Variants in PGPEP1L observed in about 807,000 individuals in gnomAD.
The protein encoded by PGPEP1L is pyroglutamyl-peptidase 1-like protein.
A neutral mutation model predicts 6.0 loss-of-function variants in PGPEP1L; 7 were observed. That is an observed-to-expected ratio of 1.17 (90% CI 0.66 to 2.19). The LOEUF is 2.19. Ranked by LOEUF, PGPEP1L falls within the 30% of genes most tolerant of loss-of-function variation. The pLI is 0.00. For synonymous variants in PGPEP1L, 103 were observed against 83.9 expected (o/e 1.23, Z -1.24); for missense variants, 209 against 192.5 (o/e 1.09, Z -0.51).
chr15:98,988,611 C>T (rs987143729), intron 2 of PGPEP1L, among the ~76,000 whole-genome samples: 1 of 152,202 alleles, frequency 6.6e-6, no homozygotes, highest in Non-Finnish European at 1.5e-5. Flanking sequence ...AAGAGAGGAG[C>T]GGATCTCCCA....
chr15:99,006,734 T>C (rs1471879529), intron 1 of PGPEP1L, among the ~76,000 whole-genome samples: 1 of 152,234 alleles, frequency 6.6e-6, no homozygotes, highest in Non-Finnish European at 1.5e-5. Flanking sequence ...GAGGATCACT[T>C]GAGCCGTCAG....
chr15:99,000,163 G>T (rs1381726209), intron 2 of PGPEP1L, among the ~76,000 whole-genome samples: 1 of 152,254 alleles, frequency 6.6e-6, no homozygotes, highest in Non-Finnish European at 1.5e-5. Context: ...AGCCCCGCCG[G>T]CCCCAGGCAG....
chr15:98,986,733 G>A (rs1161677470), intron 2 of PGPEP1L, among the ~76,000 whole-genome samples: 6 of 152,168 alleles, frequency 3.9e-5, no homozygotes, highest in Non-Finnish European at 7.3e-5. Flanking sequence ...CTTAGCCTAC[G>A]GGGTCTGTGC....
chr15:99,001,457 G>T (rs1325177265), intron 2 of PGPEP1L, among the ~76,000 whole-genome samples: 1 of 152,112 alleles, frequency 6.6e-6, no homozygotes, highest in Admixed American at 6.5e-5. Context: ...TCTTTCTGGG[G>T]TGCTGAAAAT....
intron 1 of PGPEP1L, among the ~76,000 whole-genome samples, chr15:99,006,811 A>C (rs2018073868): frequency 6.7e-6 from 1 of 150,134 alleles, no homozygotes; most frequent in South Asian, 2.1e-4. Context: ...AAATATTCTT[A>C]AACTTTTTTT....
At chr15:98,994,463 G>A (rs2017860978) in intron 2 of PGPEP1L, among the ~76,000 whole-genome samples, 1 of 151,496 alleles carries the variant, frequency 6.6e-6, no homozygotes, top group Non-Finnish European at 1.5e-5. Context: ...AGATCAGCCT[G>A]GGCAACATGG....
chr15:98,986,731 A>G (rs1175332345), intron 2 of PGPEP1L, among the ~76,000 whole-genome samples: 1 of 152,210 alleles, frequency 6.6e-6, no homozygotes, highest in Non-Finnish European at 1.5e-5. Context: ...CTCTTAGCCT[A>G]CGGGGTCTGT....
Position 98,968,881 on chromosome 15 carries a change from T to TTGGCCTCA in PGPEP1L, c.210-192_210-185dup, listed in dbSNP as rs1013702258. On this transcript the variant is annotated intron_variant, in intron 4 of 4. Coordinates refer to ENST00000535714, the MANE Select transcript of PGPEP1L (RefSeq NM_001167902.2). ...AGGATGAGCTGGGGAGAGCTGGCTC[T>TTGGCCTCA]TGGCCTCATGGCCTCATGACCGGCA... Among the ~76,000 whole-genome samples, 23 of 152,352 alleles carry TTGGCCTCA rather than the reference T, an allele frequency of 1.5e-4. 1 individual carries two copies. Among genetic ancestry groups the TTGGCCTCA allele is most frequent in the South Asian group, 6.2e-4 (3 of 4,834 alleles).
chr15:98,982,699 G>GTTTTTTTTTTT (rs1567237917), intron 2 of PGPEP1L, among the ~76,000 whole-genome samples: 3 of 73,458 alleles, frequency 4.1e-5, no homozygotes, highest in Non-Finnish European at 6.7e-5. Context: ...TTTATCTGAG[G>GTTTTTTTTTTT]CTTTTTTTTT....
intron 2 of PGPEP1L, among the ~76,000 whole-genome samples, chr15:99,002,583 A>G (rs2017989060): frequency 6.6e-6 from 1 of 152,212 alleles, no homozygotes; most frequent in Non-Finnish European, 1.5e-5. Context: ...TGTCAATATC[A>G]GGAGAGGCTG....
At chr15:98,983,358 G>T (rs1208789067) in intron 2 of PGPEP1L, among the ~76,000 whole-genome samples, 1 of 151,996 alleles carries the variant, frequency 6.6e-6, no homozygotes, top group Non-Finnish European at 1.5e-5. Context: ...AAGGCACCAG[G>T]CCACCTCATC....
chr15:98,990,144 A>T (rs952378450), intron 2 of PGPEP1L, among the ~76,000 whole-genome samples: 9 of 152,360 alleles, frequency 5.9e-5, no homozygotes, highest in Non-Finnish European at 1.2e-4. Flanking sequence ...TTAACCTTAA[A>T]TGTAAATGGG....
intron 2 of PGPEP1L, among the ~76,000 whole-genome samples, chr15:98,981,533 A>G (rs1340255962): frequency 6.8e-6 from 1 of 147,408 alleles, no homozygotes; most frequent in African/African-American, 2.6e-5. Context: ...ACAACAAACA[A>G]AACTAGGTAA....
intron 3 of PGPEP1L, 93 bp from the exon 4 acceptor site, chr15:98,969,744 C>G: frequency 1.5e-6 from 2 of 1,320,254 alleles, no homozygotes; most frequent in Non-Finnish European, 2.1e-6. Flanking sequence ...TTTGAGAGCC[C>G]GGCTCTGTGC....
intron 2 of PGPEP1L, among the ~76,000 whole-genome samples, chr15:99,000,564 A>C (rs1479113635): frequency 6.6e-6 from 1 of 152,208 alleles, no homozygotes; most frequent in Non-Finnish European, 1.5e-5. Context: ...TAAACACACC[A>C]ATCAGCACCC....
chr15:99,007,246 T>G (rs1361532766), intron 1 of PGPEP1L, 113 bp downstream of exon 1: 5 of 152,108 alleles, frequency 3.3e-5, no homozygotes, highest in Non-Finnish European at 7.3e-5. Flanking sequence ...AGGATTTTTG[T>G]ACTTTGCCTC....
At position 98,972,872 on chromosome 15, in the gene PGPEP1L, C is replaced by CAAAA. The variant is rs58126997; in HGVS notation, c.-141-1718_-141-1715dup. Among the ~76,000 whole-genome samples, 101 of 45,690 alleles carry CAAAA rather than the reference C, an allele frequency of 2.2e-3. 11 individuals carry two copies. The highest frequency in any genetic ancestry group is 4.1e-3 in the East Asian group (5 of 1,210). The allele number at this position is 45,690 out of a possible 152,430, so 30.0% of individuals were successfully genotyped here. ...TGGGTGACAGAGTGAGACTCCGTCT[C>CAAAA]AAAAAAAAAAAAAAAAAAAAAAAAA... On this transcript the variant is annotated intron_variant, in intron 2 of 4. Coordinates refer to ENST00000535714, the MANE Select transcript of PGPEP1L (RefSeq NM_001167902.2).
At chr15:98,970,895 C>T (rs2151753704) in intron 3 of PGPEP1L, 141 bp downstream of exon 3, 1 of 1,231,380 alleles carries the variant, frequency 8.1e-7, no homozygotes, top group African/African-American at 1.5e-5. Flanking sequence ...CTTACACAAT[C>T]AGCTGGGACC....
At chr15:98,970,051 A>T (rs548693730) in intron 3 of PGPEP1L, among the ~76,000 whole-genome samples, 1 of 151,836 alleles carries the variant, frequency 6.6e-6, no homozygotes, top group Admixed American at 6.6e-5. Context: ...TTATTTATGT[A>T]TTTATTTATT....
Sources: allele counts gnomAD v4.1 joint callset (sites outside exome capture counted in the v4.1 genomes callset), GRCh38; gene constraint gnomAD v4.1.1; transcripts MANE v1.5; gene names NCBI Gene and HGNC (gene_info 2026-07-23, HGNC 2026-07-21).